The following PCDH7 variants were observed in gnomAD, a reference collection of about 807,000 sequenced individuals.
The protein encoded by PCDH7 is protocadherin 7.
In PCDH7, 17 loss-of-function variants were observed where a neutral mutation model predicts 58.9. The ratio of observed to expected loss-of-function variants is 0.29; its 90% CI spans 0.20 to 0.43. The LOEUF is 0.43. Ranked by LOEUF, PCDH7 falls within the 20% of genes least tolerant of loss-of-function variation. The pLI, the probability that PCDH7 is intolerant of heterozygous loss-of-function variation, is 1.00. For synonymous variants in PCDH7, 664 were observed against 616.4 expected (o/e 1.08, Z -1.14); for missense variants, 1,274 against 1,441.0 (o/e 0.88, Z 1.88).
chr4:30,974,623 C>T (rs1474714936), intron 3 of PCDH7, among the ~76,000 whole-genome samples: 1 of 152,138 alleles, frequency 6.6e-6, no homozygotes, highest in Non-Finnish European at 1.5e-5. Context: ...TGATAATTAA[C>T]CAAAATATCC....
chr4:31,127,962 T>G (rs1272904316), intron 3 of PCDH7, among the ~76,000 whole-genome samples: 1 of 151,828 alleles, frequency 6.6e-6, no homozygotes, highest in Non-Finnish European at 1.5e-5. Context: ...AAGAAATTCA[T>G]TTTTCACAGT....
At chr4:31,141,553 A>G (rs1720258887) in intron 3 of PCDH7, among the ~76,000 whole-genome samples, 1 of 152,222 alleles carries the variant, frequency 6.6e-6, no homozygotes, top group Non-Finnish European at 1.5e-5. Context: ...AAAGACAGAC[A>G]CATGCTTTCA....
intron 3 of PCDH7, among the ~76,000 whole-genome samples, chr4:31,038,313 G>T (rs564225652): frequency 6.6e-6 from 1 of 151,052 alleles, no homozygotes. Context: ...TGAAGTTCAT[G>T]TTAAAATTGT....
intron 3 of PCDH7, among the ~76,000 whole-genome samples, chr4:30,974,463 T>C (rs1201216744): frequency 6.6e-6 from 1 of 152,062 alleles, no homozygotes; most frequent in African/African-American, 2.4e-5. Context: ...CTAAATTGGA[T>C]AATAGAGACT....
intron 3 of PCDH7, among the ~76,000 whole-genome samples, chr4:31,003,291 G>A (rs987074308): frequency 8.6e-5 from 13 of 151,818 alleles, no homozygotes; most frequent in African/African-American, 2.9e-4. Context: ...TTAAGTAGTA[G>A]CATCTTACCA....
chr4:31,054,049 T>G (rs185227672), intron 3 of PCDH7, among the ~76,000 whole-genome samples: 1 of 152,216 alleles, frequency 6.6e-6, no homozygotes, highest in East Asian at 1.9e-4. Context: ...CACTGCAACC[T>G]CTACCTCCCA....
At chr4:30,941,802 T>C (rs1222869740) in intron 2 of PCDH7, among the ~76,000 whole-genome samples, 1 of 151,946 alleles carries the variant, frequency 6.6e-6, no homozygotes, top group East Asian at 1.9e-4. Context: ...CAGTCCTTTG[T>C]AAATCCTAGA....
chr4:30,758,940 G>GCTTTTTTTTTTTTTTTTT (rs1553880707), intron 1 of PCDH7, among the ~76,000 whole-genome samples: 2 of 124,238 alleles, frequency 1.6e-5, no homozygotes, highest in Non-Finnish European at 1.7e-5. Flanking sequence ...TTGAAGAAGT[G>GCTTTTTTTTTTTTTTTTT]TTTTTTTTTT....
chr4:31,002,532 A>G (rs2109139395), intron 3 of PCDH7, among the ~76,000 whole-genome samples: 1 of 152,324 alleles, frequency 6.6e-6, no homozygotes, highest in African/African-American at 2.4e-5. Flanking sequence ...TGCTAACAAA[A>G]TTAGTTTCTG....
intron 3 of PCDH7, among the ~76,000 whole-genome samples, chr4:31,016,549 C>T (rs1753619301): frequency 1.3e-5 from 2 of 151,986 alleles, no homozygotes; most frequent in Admixed American, 6.6e-5. Flanking sequence ...GATTGGTGCT[C>T]TTGGACCCCT....
intron 3 of PCDH7, among the ~76,000 whole-genome samples, chr4:31,017,493 A>G (rs963207802): frequency 2.0e-5 from 3 of 152,164 alleles, no homozygotes; most frequent in Non-Finnish European, 4.4e-5. Flanking sequence ...TATTGACTGA[A>G]TGAAGATATC....
At chr4:30,816,518 T>A (rs552639566) in intron 1 of PCDH7, among the ~76,000 whole-genome samples, 1 of 152,170 alleles carries the variant, frequency 6.6e-6, no homozygotes, top group South Asian at 2.1e-4. Context: ...GCTGTAATTC[T>A]TATAAAATAA....
chr4:30,888,114 T>A lies in PCDH7; in HGVS notation c.71-32039T>A, dbSNP rs117513971. On this transcript the variant is annotated intron_variant, in intron 1 of 3. Transcript: ENST00000509759. The stretch of plus-strand genomic sequence containing the variant: ...TGGTCTCGAACCCCTGACCTCATTA[T>A]CTGCCCACCTCTGCCTCCCAAAGTT... Among the ~76,000 whole-genome samples the A allele has an allele frequency of 2.5e-3, 376 of 152,218 alleles. 5 individuals carry two copies. In the East Asian group the frequency reaches 0.064, roughly 26 times the overall value.
intron 1 of PCDH7, among the ~76,000 whole-genome samples, chr4:30,877,422 C>T (rs1736431800): frequency 6.6e-6 from 1 of 152,090 alleles, no homozygotes; most frequent in Non-Finnish European, 1.5e-5. Context: ...GAGAGATGGG[C>T]AGTAAGAAGA....
At chr4:31,039,502 T>A (rs1755675712) in intron 3 of PCDH7, among the ~76,000 whole-genome samples, 1 of 152,094 alleles carries the variant, frequency 6.6e-6, no homozygotes, top group Admixed American at 6.6e-5. Flanking sequence ...GCTCACACGA[T>A]CCTCCTTCCT....
intron 2 of PCDH7, among the ~76,000 whole-genome samples, chr4:30,928,035 G>A (rs1744111341): frequency 6.6e-6 from 1 of 152,072 alleles, no homozygotes; most frequent in Non-Finnish European, 1.5e-5. Context: ...GAGTGCAGTG[G>A]CACATTCTTG....
intron 3 of PCDH7, among the ~76,000 whole-genome samples, chr4:30,992,578 T>C (rs986130848): frequency 2.6e-5 from 4 of 152,166 alleles, no homozygotes; most frequent in Non-Finnish European, 5.9e-5. Flanking sequence ...GGGGCTAATT[T>C]CTTTAATGTA....
chr4:31,060,922 A>C (rs1169160678), intron 3 of PCDH7, among the ~76,000 whole-genome samples: 1 of 151,866 alleles, frequency 6.6e-6, no homozygotes, highest in Non-Finnish European at 1.5e-5. Context: ...AAATTTAGGG[A>C]AAGTTTTCAT....
chr4:30,740,159 G>T (rs1716873831), intron 1 of PCDH7, among the ~76,000 whole-genome samples: 1 of 152,154 alleles, frequency 6.6e-6, no homozygotes, highest in Non-Finnish European at 1.5e-5. Context: ...GGCTGCAGAG[G>T]CCACTCTCTC....
Sources: gnomAD v4.1 joint callset for allele counts (sites outside exome capture counted in the v4.1 genomes callset) on GRCh38, gnomAD v4.1.1 for gene constraint, MANE v1.5 for transcripts, NCBI Gene and HGNC (gene_info 2026-07-23, HGNC 2026-07-21) for gene names.